ACTR3C: variants seen among roughly 807,000 people sequenced by gnomAD.
ACTR3C encodes actin related protein 3C.
ACTR3C carries 18 observed loss-of-function variants against 26.3 expected under a neutral mutation model. The ratio of observed to expected loss-of-function variants is 0.68; its 90% CI spans 0.47 to 1.01. The LOEUF (loss-of-function observed/expected upper bound fraction) is 1.01, where lower values mean the gene tolerates loss of function less well. Ranked by LOEUF, ACTR3C falls within the 50% of genes least tolerant of loss-of-function variation. The pLI is 0.00. For synonymous variants in ACTR3C, 55 were observed against 94.5 expected, an observed-to-expected ratio of 0.58 and a Z score of 2.42; for missense variants, 184 against 250.7, an observed-to-expected ratio of 0.73 and a Z score of 1.80.
At chr7:149,940,510 A>G in the ACTR3C span, among the ~76,000 whole-genome samples, 5 of 151,926 alleles carry the variant, frequency 3.3e-5, no homozygotes, top group Admixed American at 1.3e-4. Flanking sequence ...GTATTTTGGG[A>G]GAGGGTATAT....
chr7:150,299,808 GGA>G (rs1458009798), intron 1 of ACTR3C, among the ~76,000 whole-genome samples: 1 of 152,010 alleles, frequency 6.6e-6, no homozygotes, highest in Non-Finnish European at 1.5e-5. Context: ...CAAGGTCGGG[GGA>G]GAGGGGAAAT....
the ACTR3C span, among the ~76,000 whole-genome samples, chr7:149,943,098 G>A: frequency 2.6e-5 from 4 of 151,890 alleles, no homozygotes. Context: ...GCAAACTATG[G>A]CCCCGGGGCC....
the ACTR3C span, among the ~76,000 whole-genome samples, chr7:149,966,586 TA>T: frequency 1.1e-4 from 17 of 152,198 alleles, no homozygotes; most frequent in Non-Finnish European, 7.3e-5. Context: ...GCCTACAGTT[TA>T]AAAGAAACAC....
chr7:150,202,344 T>C, the ACTR3C span, among the ~76,000 whole-genome samples: 1 of 152,340 alleles, frequency 6.6e-6, no homozygotes, highest in East Asian at 1.9e-4. Context: ...ACTTTTATTG[T>C]TTTTATAATG....
chr7:150,268,233 TTTAACATTG>T (rs1158905561), intron 6 of ACTR3C, among the ~76,000 whole-genome samples: 1 of 148,564 alleles, frequency 6.7e-6, no homozygotes, highest in Non-Finnish European at 1.5e-5. Context: ...TTTTAACATT[TTTAACATTG>T]AATCCCCCAT....
At chr7:149,887,798 T>C in the ACTR3C span, among the ~76,000 whole-genome samples, 1 of 152,204 alleles carries the variant, frequency 6.6e-6, no homozygotes, top group Non-Finnish European at 1.5e-5. Context: ...GGGGAGGTAA[T>C]TGAATCATGG....
the ACTR3C span, among the ~76,000 whole-genome samples, chr7:150,134,366 C>T: frequency 1.4e-4 from 22 of 152,240 alleles, no homozygotes; most frequent in Non-Finnish European, 2.5e-4. Context: ...AGAGGGAAGA[C>T]GAGGGGAATG....
chr7:149,985,207 A>ACAC, the ACTR3C span, among the ~76,000 whole-genome samples: 1 of 130,804 alleles, frequency 7.6e-6, no homozygotes, highest in Non-Finnish European at 1.6e-5. Flanking sequence ...CAAACAAAGC[A>ACAC]ACACACACAC....
chr7:150,048,405 G>A, the ACTR3C span, among the ~76,000 whole-genome samples: 2 of 152,038 alleles, frequency 1.3e-5, no homozygotes, highest in Non-Finnish European at 2.9e-5. Flanking sequence ...AGCCCGGAGA[G>A]GGCACGGGGT....
chr7:150,075,812 G>C, the ACTR3C span, among the ~76,000 whole-genome samples: 1 of 152,224 alleles, frequency 6.6e-6, no homozygotes, highest in East Asian at 1.9e-4. Context: ...CAAAATATCA[G>C]CCTGGTGCAT....
the ACTR3C span, among the ~76,000 whole-genome samples, chr7:150,029,412 A>AC: frequency 2.2e-4 from 22 of 98,418 alleles, 2 homozygotes; most frequent in Admixed American, 3.6e-4. Flanking sequence ...ACAAAAAAAA[A>AC]AAAAACAAAC....
At chr7:150,111,872 GC>G in the ACTR3C span, among the ~76,000 whole-genome samples, 1 of 151,022 alleles carries the variant, frequency 6.6e-6, no homozygotes, top group African/African-American at 2.4e-5. Context: ...GACCTGCGAA[GC>G]CCCCTTCCCA....
At chr7:150,045,327 A>AAAGAGTG in the ACTR3C span, among the ~76,000 whole-genome samples, 1 of 152,244 alleles carries the variant, frequency 6.6e-6, no homozygotes, top group Non-Finnish European at 1.5e-5. Flanking sequence ...ATTCTGAGGA[A>AAAGAGTG]CTTTTCTAAG....
the ACTR3C span, among the ~76,000 whole-genome samples, chr7:149,930,468 T>C: frequency 6.6e-6 from 1 of 152,246 alleles, no homozygotes; most frequent in Non-Finnish European, 1.5e-5. Context: ...TTTTGTTCTC[T>C]TCCAGCTTTC....
chr7:150,151,693 A>G, the ACTR3C span, among the ~76,000 whole-genome samples: 1 of 113,800 alleles, frequency 8.8e-6, no homozygotes, highest in Non-Finnish European at 1.9e-5. Flanking sequence ...CAATGAGAAC[A>G]CATGGACACA....
At chr7:150,183,728 G>A in the ACTR3C span, among the ~76,000 whole-genome samples, 2 of 131,982 alleles carry the variant, frequency 1.5e-5, no homozygotes, top group African/African-American at 6.3e-5. Flanking sequence ...AAGCTTATCT[G>A]TCAGAAACAC....
At chr7:150,198,234 T>G in the ACTR3C span, among the ~76,000 whole-genome samples, 1 of 148,882 alleles carries the variant, frequency 6.7e-6, no homozygotes, top group Non-Finnish European at 1.5e-5. Context: ...CCTCCCAAAG[T>G]GCCGAGATTG....
At chr7:150,101,000 C>T in the ACTR3C span, among the ~76,000 whole-genome samples, 1 of 151,650 alleles carries the variant, frequency 6.6e-6, no homozygotes, top group African/African-American at 2.4e-5. Flanking sequence ...CCACCCCCCA[C>T]TGCCAAGTTT....
chr7:150,141,928 C>A, the ACTR3C span, among the ~76,000 whole-genome samples: 1 of 152,016 alleles, frequency 6.6e-6, no homozygotes, highest in Admixed American at 6.6e-5. Context: ...GCCAGATGTT[C>A]AGGGAGAAAT....
Sources: gnomAD v4.1 joint callset for allele counts (sites outside exome capture counted in the v4.1 genomes callset) on GRCh38, gnomAD v4.1.1 for gene constraint, MANE v1.5 for transcripts, NCBI Gene and HGNC (gene_info 2026-07-23, HGNC 2026-07-21) for gene names.